Variants in BIRC6 observed in about 807,000 individuals in gnomAD.
BIRC6 encodes the protein baculoviral IAP repeat containing 6.
Under a neutral mutation model 503.3 loss-of-function variants are expected in BIRC6, and 98 were observed. The observed-to-expected ratio is 0.19, with a 90% CI of 0.17 to 0.23. The LOEUF (loss-of-function observed/expected upper bound fraction) is 0.23. Ranked by LOEUF, BIRC6 falls within the 10% of genes least tolerant of loss-of-function variation. The probability of loss-of-function intolerance (pLI) is 1.00; values close to 1 mark genes in which losing one functional copy is unlikely to be tolerated. For missense variants in BIRC6, 5,360 were observed against 5,806.0 expected (o/e 0.92, Z 2.50); for synonymous variants, 2,240 against 2,078.7 (o/e 1.08, Z -2.11).
chr2:32,430,991 A>G lies in BIRC6; in HGVS notation c.3149A>G (p.Gln1050Arg). Residue 1050 changes from glutamine (Q) to arginine (R), a missense_variant, in exon 12 of 74, where the codon CAA becomes CGA. Around this residue, in one of 16 missense-constraint regions of BIRC6, gnomAD observed 700 missense variants for 739.3 expected, o/e 0.95. Transcript: ENST00000421745. ...GTTCCTCCATGCTGGGTAGAAGTTC[A>G]ACAAGAACAGCAGCAAAGGAGGCAT... The part of the protein sequence containing the change: ...ATVPPCWVEV[Q>R]QEQQQRRHPQ... 2.5e-6 allele frequency: 4 copies of G among 1,613,304 alleles called. No homozygotes were observed. Among genetic ancestry groups the G allele is most frequent in the Non-Finnish European group, 3.4e-6 (4 of 1,179,722 alleles).
chr2:32,505,285 C>T (rs1026633542), intron 50 of BIRC6, 80 bp downstream of exon 50: 86 of 1,174,770 alleles, frequency 7.3e-5, no homozygotes, highest in Admixed American at 1.0e-4. Flanking sequence ...GTTTAGTAAG[C>T]GGAAATACAC....
At chr2:32,576,469 C>T (rs1021558728) in intron 66 of BIRC6, among the ~76,000 whole-genome samples, 5 of 152,130 alleles carry the variant, frequency 3.3e-5, no homozygotes, top group Non-Finnish European at 4.4e-5. Flanking sequence ...CAAAGATGGC[C>T]TAATTCTGAA....
intron 9 of BIRC6, among the ~76,000 whole-genome samples, chr2:32,413,524 A>G (rs2042113070): frequency 6.6e-6 from 1 of 151,450 alleles, no homozygotes; most frequent in South Asian, 2.1e-4. Flanking sequence ...TTGCCATGTT[A>G]CTCAGGCTGG....
chr2:32,441,508 C>A, intron 17 of BIRC6, 46 bp downstream of exon 17: 1 of 1,544,796 alleles, frequency 6.5e-7, no homozygotes, highest in Non-Finnish European at 8.9e-7. Flanking sequence ...AATGAAAGTG[C>A]AGAGCATAAC....
In BIRC6 at chr2:32,505,212, AATATTTT is replaced by A. The variant is rs2053660759; in HGVS notation, c.9700+11_9700+17del. On this transcript the variant is annotated splice_region_variant and intron_variant, in intron 50 of 73. Transcript: ENST00000421745. Reference sequence around the variant, plus strand: ...CATCTTGCATCTCTTGCAAGTGAGTAATATTTTATAAAGAAGCATCATGAGAACAAGC... The same window carrying A: ...CATCTTGCATCTCTTGCAAGTGAGTAATAAAGAAGCATCATGAGAACAAGC... 6.5e-7 allele frequency: 1 copy of A among 1,539,788 alleles called. No individual in the cohort carries two copies. Among genetic ancestry groups the A allele is most frequent in the East Asian group, 2.4e-5 (1 of 41,288 alleles).
At chr2:32,524,044 A>T (rs1487617550) in intron 57 of BIRC6, among the ~76,000 whole-genome samples, 1 of 59,418 alleles carries the variant, frequency 1.7e-5, no homozygotes, top group Non-Finnish European at 3.3e-5. Flanking sequence ...ACCTTATCTT[A>T]AAAAAAAAAA....
chr2:32,362,469 C>G (rs563914610), intron 1 of BIRC6, among the ~76,000 whole-genome samples: 1 of 151,926 alleles, frequency 6.6e-6, no homozygotes, highest in Admixed American at 6.6e-5. Context: ...GTGCCCCCCA[C>G]CAGACCCGGC....
At chr2:32,545,615 C>G in intron 62 of BIRC6, 28 bp from the exon 63 acceptor site, 3 of 1,566,132 alleles carry the variant, frequency 1.9e-6, no homozygotes, top group Non-Finnish European at 2.6e-6. Context: ...TGTTTTTAAT[C>G]TTGAGTCCTC....
intron 38 of BIRC6, 44 bp from the exon 39 acceptor site, chr2:32,482,385 C>G: frequency 6.3e-7 from 1 of 1,588,662 alleles, no homozygotes; most frequent in Non-Finnish European, 8.6e-7. Flanking sequence ...GTCATTCAGC[C>G]AAGAGGCAAA....
chr2:32,508,487 G>T (rs1367247445), intron 51 of BIRC6, among the ~76,000 whole-genome samples: 2 of 151,794 alleles, frequency 1.3e-5, no homozygotes, highest in Non-Finnish European at 2.9e-5. Context: ...TAGTCTTTGA[G>T]ATGATCTGTA....
chr2:32,508,393 TAATACAA>T, intron 51 of BIRC6, 134 bp downstream of exon 51: 2 of 1,194,258 alleles, frequency 1.7e-6, no homozygotes, highest in Non-Finnish European at 2.2e-6. Flanking sequence ...GGTATCTGTA[TAATACAA>T]TTTTATTAGG....
At chr2:32,435,444 T>G in intron 13 of BIRC6, 52 bp from the exon 14 acceptor site, 4 of 1,468,890 alleles carry the variant, frequency 2.7e-6, no homozygotes, top group Non-Finnish European at 3.6e-6. Flanking sequence ...CTAATATTTT[T>G]ATCCTCTAGA....
intron 37 of BIRC6, among the ~76,000 whole-genome samples, chr2:32,480,104 T>C (rs2149163636): frequency 6.6e-6 from 1 of 152,356 alleles, no homozygotes; most frequent in Admixed American, 6.5e-5. Context: ...GCAGTCATTT[T>C]CAACCATTTG....
At chr2:32,471,545 C>T (rs1440337567) in intron 32 of BIRC6, among the ~76,000 whole-genome samples, 2 of 152,106 alleles carry the variant, frequency 1.3e-5, no homozygotes, top group Non-Finnish European at 2.9e-5. Flanking sequence ...TTTTTAAATA[C>T]AGAAATTCTC....
intron 1 of BIRC6, among the ~76,000 whole-genome samples, chr2:32,369,945 A>T (rs868016070): frequency 3.3e-3 from 144 of 43,904 alleles, no homozygotes; most frequent in Admixed American, 6.8e-3. Flanking sequence ...AAAAAAAAAA[A>T]ATATATATAT....
intron 1 of BIRC6, among the ~76,000 whole-genome samples, chr2:32,360,187 C>T (rs1408009123): frequency 2.0e-5 from 3 of 152,068 alleles, no homozygotes; most frequent in African/African-American, 4.8e-5. Flanking sequence ...GTCTTATGGA[C>T]GCCTGGGGTT....
rs1424671376 is a variant in BIRC6, at chr2:32,415,976, T to C, written c.2685T>C (p.Ser895=). 1.9e-6 allele frequency: 3 copies of C among 1,613,846 alleles called. No individual in the cohort carries two copies. The highest frequency in any genetic ancestry group is 2.5e-6 in the Non-Finnish European group (3 of 1,179,802). ...SKNGFEREKT[S]DISTLGHLVI... is the part of the protein sequence containing the mutation. ...ATGGTTTTGAGAGAGAAAAAACGTC[T>C]GACATTTCTACTCTTGGACACCTGG... The change falls in exon 10 of 74, where the codon TCT becomes TCC. Residue 895 remains serine, a synonymous_variant. Transcript: ENST00000421745.
intron 57 of BIRC6, among the ~76,000 whole-genome samples, chr2:32,524,368 TTTG>T (rs2056066371): frequency 6.6e-6 from 1 of 152,200 alleles, no homozygotes; most frequent in Admixed American, 6.5e-5. Flanking sequence ...GTTACAGAAA[TTTG>T]TTCTTTTATA....
chr2:32,529,897 T>A, intron 60 of BIRC6, 73 bp downstream of exon 60: 6 of 963,308 alleles, frequency 6.2e-6, no homozygotes, highest in Non-Finnish European at 8.4e-6. Flanking sequence ...AGCTAATGAC[T>A]TAATTGACTT....
Sources: allele counts gnomAD v4.1 joint callset (sites outside exome capture counted in the v4.1 genomes callset), GRCh38; gene constraint gnomAD v4.1.1; regional missense constraint gnomAD v4.1.1; transcripts MANE v1.5; gene names NCBI Gene and HGNC (gene_info 2026-07-23, HGNC 2026-07-21).